Variants in HSH2D observed in about 807,000 individuals in gnomAD.
HSH2D encodes the protein hematopoietic SH2 domain-containing protein.
Under a neutral mutation model 21.5 loss-of-function variants are expected in HSH2D, and 16 were observed. The observed-to-expected ratio is 0.74, with a 90% CI of 0.50 to 1.13. The LOEUF is 1.13. Ranked by LOEUF, HSH2D falls within the 50% of genes most tolerant of loss-of-function variation. The probability of loss-of-function intolerance (pLI) is 0.00; values close to 1 mark genes in which losing one functional copy is unlikely to be tolerated. For missense variants in HSH2D, 418 were observed against 441.4 expected (o/e 0.95, Z 0.47); for synonymous variants, 172 against 184.7 (o/e 0.93, Z 0.56).
At chr19:16,145,126 C>T (rs1022491243) in intron 1 of HSH2D, among the ~76,000 whole-genome samples, 14 of 150,126 alleles carry the variant, frequency 9.3e-5, no homozygotes, top group Non-Finnish European at 1.9e-4. Flanking sequence ...GCAAACTCTG[C>T]CTCCCGAGTT....
rs1396632287 is a variant in HSH2D at position 16,149,314 on chromosome 19, C to T, written c.125+439C>T. ...GCCTCCCGGACTCAAGTGATTCTTC[C>T]GCCTCAACTTGCTAAGTAGCTGGGA... is the stretch of plus-strand genomic sequence containing the variant. On this transcript the variant is annotated intron_variant, in intron 2 of 5. Transcript: ENST00000613986. 3.3e-5 allele frequency among the ~76,000 whole-genome samples: 5 copies of T among 152,172 alleles called. No individual in the cohort carries two copies. The East Asian group carries it at 5.8e-4, about 18-fold the overall frequency.
intron 1 of HSH2D, among the ~76,000 whole-genome samples, chr19:16,136,196 A>C (rs1433008250): frequency 1.3e-5 from 2 of 152,148 alleles, no homozygotes; most frequent in African/African-American, 4.8e-5. Flanking sequence ...CTAAAACTCA[A>C]AAGTCACCCC....
intron 1 of HSH2D, among the ~76,000 whole-genome samples, chr19:16,144,599 C>A (rs1179134800): frequency 6.6e-6 from 1 of 151,498 alleles, no homozygotes; most frequent in Non-Finnish European, 1.5e-5. Flanking sequence ...GGACAGAGAG[C>A]CATTAAGTGA....
At chr19:16,142,573 C>G (rs575554081), upstream of HSH2D, among the ~76,000 whole-genome samples, 1 of 152,038 alleles carries the variant, frequency 6.6e-6, no homozygotes, top group African/African-American at 2.4e-5. Context: ...AAGCGATTCT[C>G]CTGCCTCAGC....
chr19:16,149,647 C>T lies in HSH2D; in HGVS notation c.125+772C>T, dbSNP rs977324648. Among the ~76,000 whole-genome samples, 4 of 149,546 alleles carry T rather than the reference C, an allele frequency of 2.7e-5. No individual in the cohort carries two copies. The Admixed American group carries it at 2.7e-4, about 10-fold the overall frequency. Reference sequence around the variant, plus strand: ...TGTTGCCCAGGCTGGTGTGTAGTGGCGCGATCTCGGCTCACTGCAGCCTCT... The same window carrying T: ...TGTTGCCCAGGCTGGTGTGTAGTGGTGCGATCTCGGCTCACTGCAGCCTCT... On this transcript the variant is annotated intron_variant, in intron 2 of 5. Transcript: ENST00000613986.
rs1386968340 is a variant in HSH2D, at chr19:16,157,767, G to A, written c.1032G>A (p.Pro344=). 5.0e-6 allele frequency: 8 copies of A among 1,607,022 alleles called. No individual in the cohort carries two copies. The highest frequency in any genetic ancestry group is 3.3e-5 in the South Asian group (3 of 90,602). ...NDQLPEEYQQ[P]PPFAPGYC ...AGCTCCCGGAGGAGTACCAACAACCGCCACCCTTTGCCCCTGGGTACTGCT... is the reference window on the plus strand; with the variant it reads ...AGCTCCCGGAGGAGTACCAACAACCACCACCCTTTGCCCCTGGGTACTGCT... Residue 344 remains proline (P), a synonymous_variant, in exon 6 of 6, where the codon CCG becomes CCA. Transcript: ENST00000613986. This position sits in a 1 kb window ranked among gnomAD's most constrained non-coding sequence, Gnocchi z 4.4.
rs191147888 is a variant in HSH2D at position 16,150,509 on chromosome 19, A to G, written c.125+1634A>G. Among the ~76,000 whole-genome samples, 55 of 151,986 alleles carry G rather than the reference A, an allele frequency of 3.6e-4. No homozygotes were observed. In the East Asian group the frequency reaches 9.5e-3, roughly 26 times the overall value. ...AGCTGAGGTCGTGCCACTGCACTCCAGGCTGAGCAACAAGAGTAAAACTCC... is the reference window on the plus strand; with the variant it reads ...AGCTGAGGTCGTGCCACTGCACTCCGGGCTGAGCAACAAGAGTAAAACTCC... On this transcript the variant is annotated intron_variant, in intron 2 of 5. Coordinates refer to ENST00000613986, the MANE Select transcript of HSH2D (RefSeq NM_001382417.1).
chr19:16,142,084 T>A (rs1480322068), upstream of HSH2D: 1 of 152,200 alleles, frequency 6.6e-6, no homozygotes. Flanking sequence ...AAACTCTGTC[T>A]CTAAAATAGG....
chr19:16,152,108 C>CAA (rs35744412), intron 2 of HSH2D, among the ~76,000 whole-genome samples: 36 of 89,148 alleles, frequency 4.0e-4, no homozygotes, highest in Admixed American at 1.2e-3. Context: ...TCTGTCTCAA[C>CAA]AAAAAAAAAA....
chr19:16,135,046 T>G (rs898806337), intron 1 of HSH2D, among the ~76,000 whole-genome samples: 3 of 147,590 alleles, frequency 2.0e-5, no homozygotes, highest in Non-Finnish European at 4.5e-5. Context: ...AGGTGGGTGG[T>G]TCACCTGAGG....
intron 2 of HSH2D, among the ~76,000 whole-genome samples, chr19:16,151,844 AC>A (rs2091156727): frequency 6.7e-6 from 1 of 149,530 alleles, no homozygotes; most frequent in Non-Finnish European, 1.5e-5. Context: ...AGTGGCTCAC[AC>A]CTGTAATCCC....
intron 2 of HSH2D, among the ~76,000 whole-genome samples, chr19:16,151,943 T>TA (rs35017472): frequency 0.075 from 8,216 of 109,510 alleles, 558 homozygotes; most frequent in East Asian, 0.35. Context: ...CTGTCTCTAC[T>TA]AAAAAAAAAA....
At chr19:16,148,904 G>A in intron 2 of HSH2D, 29 bp downstream of exon 2, 1 of 1,584,358 alleles carries the variant, frequency 6.3e-7, no homozygotes, top group Non-Finnish European at 8.6e-7. Context: ...CCTCCACCCT[G>A]CCCTCCCCAC....
chr19:16,152,056 A>G (rs2091162261), intron 2 of HSH2D, among the ~76,000 whole-genome samples: 1 of 147,456 alleles, frequency 6.8e-6, no homozygotes. Flanking sequence ...GCAGTAAGCC[A>G]AGGTCACGCC....
intron 1 of HSH2D, among the ~76,000 whole-genome samples, chr19:16,147,493 A>G (rs952716726): frequency 4.1e-5 from 6 of 147,790 alleles, no homozygotes; most frequent in African/African-American, 1.6e-4. Flanking sequence ...CAAAAAAAAA[A>G]AAAAAGAAAA....
At chr19:16,152,166 C>T (rs1255797386) in intron 2 of HSH2D, among the ~76,000 whole-genome samples, 1 of 149,780 alleles carries the variant, frequency 6.7e-6, no homozygotes, top group Non-Finnish European at 1.5e-5. Flanking sequence ...ACCTATAATC[C>T]CAGCACTTTG....
intron 4 of HSH2D, among the ~76,000 whole-genome samples, 153 bp from the exon 5 acceptor site, chr19:16,154,246 G>A (rs147997333): frequency 1.4e-4 from 21 of 152,296 alleles, no homozygotes; most frequent in African/African-American, 4.8e-4. Context: ...ATGGCTGTGG[G>A]TGGGGCATAT....
intron 2 of HSH2D, among the ~76,000 whole-genome samples, chr19:16,151,765 G>GAA (rs746775825): frequency 2.8e-4 from 17 of 61,270 alleles, no homozygotes; most frequent in Non-Finnish European, 3.2e-4. Context: ...TGCCACAGCT[G>GAA]AAAAAAAAAA....
At chr19:16,142,273 A>T (rs373480736), upstream of HSH2D, among the ~76,000 whole-genome samples, 1 of 152,058 alleles carries the variant, frequency 6.6e-6, no homozygotes. Context: ...ACAAAAAAAT[A>T]TACTCTTTCT....
Sources: gnomAD v4.1 joint callset for allele counts (sites outside exome capture counted in the v4.1 genomes callset) on GRCh38, gnomAD v4.1.1 for gene constraint, Gnocchi (gnomAD v3.1) non-coding constraint, MANE v1.5 for transcripts, NCBI Gene and HGNC (gene_info 2026-07-23, HGNC 2026-07-21) for gene names.